Variants in FBXL7 observed in about 807,000 individuals in gnomAD.
The protein encoded by FBXL7 is F-box and leucine rich repeat protein 7, also known as F-box/LRR-repeat protein 7.
In FBXL7, 12 loss-of-function variants were observed where a neutral mutation model predicts 38.3. The ratio of observed to expected loss-of-function variants is 0.31; its 90% CI spans 0.20 to 0.51. FBXL7 has a LOEUF of 0.51. Ranked by LOEUF, FBXL7 falls within the 20% of genes least tolerant of loss-of-function variation. The pLI, the probability that FBXL7 is intolerant of heterozygous loss-of-function variation, is 0.98. For missense variants in FBXL7, 567 were observed against 676.4 expected (o/e 0.84, Z 1.79); for synonymous variants, 297 against 300.9 (o/e 0.99, Z 0.13).
intron 2 of FBXL7, among the ~76,000 whole-genome samples, chr5:15,854,259 G>T (rs1029253005): frequency 6.6e-6 from 1 of 152,054 alleles, no homozygotes; most frequent in Non-Finnish European, 1.5e-5. Context: ...ACTAAGAAGT[G>T]TTTTTTCCTC....
intron 2 of FBXL7, among the ~76,000 whole-genome samples, chr5:15,814,359 T>G (rs970536870): frequency 2.0e-5 from 3 of 152,074 alleles, no homozygotes; most frequent in Non-Finnish European, 2.9e-5. Context: ...TTCTCACTCT[T>G]AAGTAGGAGT....
chr5:15,713,952 C>A (rs1311096596), intron 2 of FBXL7, among the ~76,000 whole-genome samples: 4 of 152,184 alleles, frequency 2.6e-5, no homozygotes, highest in Non-Finnish European at 5.9e-5. Context: ...TTGTGATAGG[C>A]TGAATAATGT....
At chr5:15,727,051 C>A (rs1386684015) in intron 2 of FBXL7, among the ~76,000 whole-genome samples, 1 of 152,014 alleles carries the variant, frequency 6.6e-6, no homozygotes, top group Non-Finnish European at 1.5e-5. Context: ...TGAAGTTATG[C>A]CATTCTAATT....
intron 2 of FBXL7, among the ~76,000 whole-genome samples, chr5:15,764,522 G>T (rs746283933): frequency 6.6e-6 from 1 of 152,168 alleles, no homozygotes; most frequent in African/African-American, 2.4e-5. Flanking sequence ...AAAGGTTAGC[G>T]TGTGTGCCCG....
At chr5:15,587,556 G>T (rs1455070318) in intron 1 of FBXL7, among the ~76,000 whole-genome samples, 5 of 152,138 alleles carry the variant, frequency 3.3e-5, no homozygotes, top group Non-Finnish European at 5.9e-5. Context: ...CCTCAGCTTG[G>T]GCATTGTGTC....
At chr5:15,754,952 G>A (rs1736252201) in intron 2 of FBXL7, among the ~76,000 whole-genome samples, 1 of 152,222 alleles carries the variant, frequency 6.6e-6, no homozygotes, top group African/African-American at 2.4e-5. Flanking sequence ...AGGCTTGGAA[G>A]TGAGAGAGAC....
At chr5:15,885,091 T>C (rs1740622443) in intron 2 of FBXL7, among the ~76,000 whole-genome samples, 1 of 152,224 alleles carries the variant, frequency 6.6e-6, no homozygotes, top group Admixed American at 6.5e-5. Context: ...AGGTGTTGTC[T>C]GGGACTGCAG....
chr5:15,524,298 G>T (rs914753253), intron 1 of FBXL7, among the ~76,000 whole-genome samples: 1 of 152,204 alleles, frequency 6.6e-6, no homozygotes, highest in Non-Finnish European at 1.5e-5. Flanking sequence ...AAGCAGCCAG[G>T]TATACTTTAA....
At chr5:15,507,991 C>G (rs887502472) in intron 1 of FBXL7, among the ~76,000 whole-genome samples, 19 of 151,536 alleles carry the variant, frequency 1.3e-4, no homozygotes, top group Non-Finnish European at 2.2e-4. Context: ...TGCAGTGAGC[C>G]GAGATCACAC....
At chr5:15,536,106 G>A (rs1315225806) in intron 1 of FBXL7, among the ~76,000 whole-genome samples, 1 of 152,246 alleles carries the variant, frequency 6.6e-6, no homozygotes, top group Non-Finnish European at 1.5e-5. Context: ...GCCTGCAGGT[G>A]TGCAGAAGCT....
At chr5:15,771,518 T>C (rs1477574520) in intron 2 of FBXL7, among the ~76,000 whole-genome samples, 4 of 152,140 alleles carry the variant, frequency 2.6e-5, no homozygotes, top group Non-Finnish European at 4.4e-5. Flanking sequence ...ACCTTGGAGT[T>C]TATATTGAAG....
chr5:15,642,467 C>G (rs758774627), intron 2 of FBXL7, among the ~76,000 whole-genome samples: 9 of 152,136 alleles, frequency 5.9e-5, no homozygotes, highest in Non-Finnish European at 1.0e-4. Flanking sequence ...AACATAGAAG[C>G]TTGCAGTGGT....
intron 2 of FBXL7, among the ~76,000 whole-genome samples, chr5:15,777,422 C>A (rs1308055996): frequency 3.3e-5 from 5 of 151,954 alleles, no homozygotes; most frequent in Non-Finnish European, 4.4e-5. Flanking sequence ...TATCATCTAC[C>A]TGTGTCTTTC....
chr5:15,725,900 G>T (rs1033057986), intron 2 of FBXL7, among the ~76,000 whole-genome samples: 9 of 152,074 alleles, frequency 5.9e-5, no homozygotes, highest in Admixed American at 4.6e-4. Context: ...TTATTGTGTT[G>T]TTTAAGTTCT....
At chr5:15,632,343 C>T (rs1477974276) in intron 2 of FBXL7, among the ~76,000 whole-genome samples, 1 of 151,916 alleles carries the variant, frequency 6.6e-6, no homozygotes, top group African/African-American at 2.4e-5. Flanking sequence ...AAAGACATTG[C>T]TAAAATATTT....
At chr5:15,730,966 T>C (rs557737678) in intron 2 of FBXL7, among the ~76,000 whole-genome samples, 1 of 152,324 alleles carries the variant, frequency 6.6e-6, no homozygotes, top group African/African-American at 2.4e-5. Flanking sequence ...CATGAAGATG[T>C]TAACAGGTGT....
intron 1 of FBXL7, among the ~76,000 whole-genome samples, chr5:15,574,934 G>A (rs1031846980): frequency 1.8e-5 from 2 of 110,298 alleles, no homozygotes; most frequent in Admixed American, 8.9e-5. Flanking sequence ...AATCTTTGTA[G>A]TCATTTTCGA....
At chr5:15,570,306 G>T (rs897357635) in intron 1 of FBXL7, among the ~76,000 whole-genome samples, 2 of 151,998 alleles carry the variant, frequency 1.3e-5, no homozygotes, top group Non-Finnish European at 2.9e-5. Context: ...GCTTCTTCCT[G>T]GTTTAGTCTT....
intron 2 of FBXL7, among the ~76,000 whole-genome samples, chr5:15,925,936 T>A (rs1741867256): frequency 6.6e-6 from 1 of 152,218 alleles, no homozygotes; most frequent in Non-Finnish European, 1.5e-5. Context: ...CAGTATTCAA[T>A]AAGTCACGTG....
Sources: gnomAD v4.1 joint callset for allele counts (sites outside exome capture counted in the v4.1 genomes callset) on GRCh38, gnomAD v4.1.1 for gene constraint, MANE v1.5 for transcripts, NCBI Gene and HGNC (gene_info 2026-07-23, HGNC 2026-07-21) for gene names.